DEFB124: variants seen among roughly 807,000 people sequenced by gnomAD.
DEFB124 encodes beta-defensin 124.
For synonymous variants in DEFB124, 38 were observed against 36.5 expected (o/e 1.04, Z -0.15); for missense variants, 78 against 83.1 (o/e 0.94, Z 0.24).
chr20:31,469,397 A>G (rs547457704), intron 2 of DEFB124, among the ~76,000 whole-genome samples: 46 of 152,306 alleles, frequency 3.0e-4, no homozygotes, highest in African/African-American at 1.1e-3. Context: ...CACGAGCAAC[A>G]AGAATGAAAC....
chr20:31,474,584 G>T (rs1395472758), intron 1 of DEFB124, among the ~76,000 whole-genome samples, 43 bp downstream of exon 1: 1 of 152,180 alleles, frequency 6.6e-6, no homozygotes, highest in Non-Finnish European at 1.5e-5. Flanking sequence ...TGGCCCCTTG[G>T]ATGGCCGACG....
At chr20:31,473,691 A>G (rs1016405234) in intron 1 of DEFB124, among the ~76,000 whole-genome samples, 1 of 152,194 alleles carries the variant, frequency 6.6e-6, no homozygotes. Flanking sequence ...GAAGAAGGCC[A>G]CAGGTCACAG....
intron 2 of DEFB124, among the ~76,000 whole-genome samples, chr20:31,470,165 C>T (rs1251907600): frequency 7.1e-6 from 1 of 141,518 alleles, no homozygotes; most frequent in Non-Finnish European, 1.5e-5. Flanking sequence ...GGCAGAGGTG[C>T]CCCTCACCTC....
chr20:31,467,416 T>C (rs1341510174), intron 2 of DEFB124, among the ~76,000 whole-genome samples: 1 of 152,208 alleles, frequency 6.6e-6, no homozygotes, highest in African/African-American at 2.4e-5. Flanking sequence ...CAGTGTGGTG[T>C]GAACCCAGCT....
intron 2 of DEFB124, among the ~76,000 whole-genome samples, chr20:31,471,086 G>A (rs1396725965): frequency 1.5e-5 from 2 of 137,676 alleles, no homozygotes; most frequent in East Asian, 4.6e-4. Context: ...CGGACGTGGG[G>A]CTGACCCCCC....
intron 2 of DEFB124, among the ~76,000 whole-genome samples, chr20:31,469,929 T>C (rs78044741): frequency 5.3e-5 from 8 of 149,976 alleles, no homozygotes; most frequent in Non-Finnish European, 1.0e-4. Flanking sequence ...AAAACCGCCA[T>C]TGTCATCCCG....
intron 2 of DEFB124, 92 bp downstream of exon 2, chr20:31,472,864 C>T: frequency 6.8e-7 from 1 of 1,473,370 alleles, no homozygotes; most frequent in Non-Finnish European, 9.0e-7. Context: ...ATAGAGGCCC[C>T]TCTGTCCTCC....
intron 2 of DEFB124, among the ~76,000 whole-genome samples, chr20:31,471,546 C>A (rs1980308835): frequency 6.8e-6 from 1 of 148,096 alleles, no homozygotes; most frequent in African/African-American, 2.5e-5. Context: ...GGAGGCTGAT[C>A]CCCCCACCTC....
chr20:31,465,719 A>T (rs1166372219), intron 2 of DEFB124, 56 bp from the exon 3 acceptor site: 1 of 1,585,948 alleles, frequency 6.3e-7, no homozygotes, highest in Non-Finnish European at 8.6e-7. Flanking sequence ...ACGTTAGACC[A>T]CTGGTCACAA....
intron 2 of DEFB124, among the ~76,000 whole-genome samples, chr20:31,468,733 C>T (rs920476254): frequency 6.6e-6 from 1 of 152,094 alleles, no homozygotes; most frequent in African/African-American, 2.4e-5. Flanking sequence ...CCTCGGCCTC[C>T]CAAAGTGCTG....
At position 31,473,023 on chromosome 20, in the gene DEFB124, G is replaced by C. The variant is rs142554667; in HGVS notation, c.-10C>G. 2 of 1,613,804 alleles carry C rather than the reference G, an allele frequency of 1.2e-6. No homozygotes were observed. The highest frequency in any genetic ancestry group is 1.7e-6 in the Non-Finnish European group (2 of 1,179,984). On this transcript the variant is annotated 5_prime_UTR_variant, in exon 2 of 3. Coordinates refer to ENST00000317676, the MANE Select transcript of DEFB124 (RefSeq NM_001037500.2). ...GAAGCAGCTGTGTCATGGCCACGGG[G>C]CTCCTGGGGAGGCTGCTGGAGAGAG...
rs1980441655 is a variant in DEFB124 at position 31,475,100 on chromosome 20, T to C, written c.-499A>G. Among the ~76,000 whole-genome samples, 1 of 152,218 alleles carries C rather than the reference T, an allele frequency of 6.6e-6. No homozygotes were observed. Among genetic ancestry groups the C allele is most frequent in the African/African-American group, 2.4e-5 (1 of 41,456 alleles). On this transcript the variant is annotated 5_prime_UTR_variant, in exon 1 of 3. Transcript: ENST00000317676. This position sits in a 1 kb window ranked among gnomAD's most constrained non-coding sequence, Gnocchi z 5.0. ...ATCCTTCCTTTCTCGTCTGCCACCC[T>C]CACCCGGTGCGTAGGGCTGGCAGAA...
chr20:31,472,860 G>T, intron 2 of DEFB124, 96 bp downstream of exon 2: 1 of 1,434,102 alleles, frequency 7.0e-7, no homozygotes, highest in Non-Finnish European at 9.2e-7. Context: ...GCTGATAGAG[G>T]CCCCTCTGTC....
intron 2 of DEFB124, among the ~76,000 whole-genome samples, chr20:31,468,535 G>A (rs1026014095): frequency 4.0e-5 from 6 of 151,738 alleles, no homozygotes; most frequent in African/African-American, 1.4e-4. Context: ...GAGAGCAGTG[G>A]CGCAATCACG....
At chr20:31,471,724 G>C (rs1213843531) in intron 2 of DEFB124, among the ~76,000 whole-genome samples, 1 of 150,524 alleles carries the variant, frequency 6.6e-6, no homozygotes, top group African/African-American at 2.5e-5. Flanking sequence ...CCTCCCAGAC[G>C]GGGTCGCAGC....
In DEFB124 at chr20:31,465,569, C is replaced by T. The variant is rs143418400; in HGVS notation, c.153G>A (p.Ala51=). 1.8e-5 allele frequency: 29 copies of T among 1,614,194 alleles called. No individual in the cohort carries two copies. In the African/African-American group the frequency reaches 1.9e-4, roughly 10 times the overall value. ...ATGCATAGGAGAGACAGCACAGGGA[C>T]GCATCCGGGCACAGGTGCATGTAAG... ...QETYMHLCPD[A]SLCCLSYALK... Residue 51 remains alanine, a synonymous_variant, in exon 3 of 3, where the codon GCG becomes GCA. Transcript: ENST00000317676.
intron 2 of DEFB124, among the ~76,000 whole-genome samples, chr20:31,472,250 A>T (rs1402974453): frequency 6.6e-6 from 1 of 152,202 alleles, no homozygotes; most frequent in Non-Finnish European, 1.5e-5. Context: ...AAAAAGTACG[A>T]AAACCAGTCA....
intron 2 of DEFB124, among the ~76,000 whole-genome samples, chr20:31,470,106 A>T (rs75905364): frequency 1.4e-5 from 1 of 70,900 alleles, no homozygotes; most frequent in Non-Finnish European, 2.8e-5. Context: ...TCCCGGACGG[A>T]GCGGCTGGCC....
At chr20:31,472,531 AT>A in intron 2 of DEFB124, 1 of 159,002 alleles carries the variant, frequency 6.3e-6, no homozygotes, top group African/African-American at 2.4e-5. Context: ...CAGCCTTCCC[AT>A]CCCCACCCCC....
Sources: allele counts gnomAD v4.1 joint callset (sites outside exome capture counted in the v4.1 genomes callset), GRCh38; gene constraint gnomAD v4.1.1; non-coding constraint Gnocchi (gnomAD v3.1); transcripts MANE v1.5; gene names NCBI Gene and HGNC (gene_info 2026-07-23, HGNC 2026-07-21).